Variants in EYS observed in about 807,000 individuals in gnomAD.
The protein encoded by EYS is EGF-like photoreceptor maintenance factor.
EYS carries 250 observed loss-of-function variants against 282.1 expected under a neutral mutation model. The observed-to-expected ratio is 0.89, with a 90% CI of 0.80 to 0.98. EYS has a LOEUF of 0.98. EYS is among the 50% of genes least tolerant of loss of function. The pLI, the probability that EYS is intolerant of heterozygous loss-of-function variation, is 0.00. For synonymous variants in EYS, 1,355 were observed against 1,282.9 expected, an observed-to-expected ratio of 1.06 and a Z score of -1.20; for missense variants, 4,016 against 3,709.0, an observed-to-expected ratio of 1.08 and a Z score of -2.15.
chr6:64,320,216 T>A (rs1028939276), intron 29 of EYS, among the ~76,000 whole-genome samples: 1 of 152,002 alleles, frequency 6.6e-6, no homozygotes, highest in Non-Finnish European at 1.5e-5. Flanking sequence ...TTAGATATAT[T>A]GTTTGATATT....
At chr6:64,661,805 C>G (rs9342363) in intron 22 of EYS, among the ~76,000 whole-genome samples, 73,170 of 122,366 alleles carry the variant, frequency 0.6, 22,427 homozygotes, top group African/African-American at 0.67. Flanking sequence ...CTAGTTCAAC[C>G]ATTGTGGAAT....
intron 19 of EYS, among the ~76,000 whole-genome samples, chr6:64,875,399 T>C (rs1199061136): frequency 6.6e-6 from 1 of 152,110 alleles, no homozygotes; most frequent in African/African-American, 2.4e-5. Flanking sequence ...TTCTCACTTA[T>C]GGTTAGAACT....
At chr6:65,508,784 A>T (rs1310860731) in intron 2 of EYS, among the ~76,000 whole-genome samples, 1 of 152,056 alleles carries the variant, frequency 6.6e-6, no homozygotes, top group East Asian at 1.9e-4. Flanking sequence ...TCCTGGCATG[A>T]CTCTGGCCAA....
At chr6:64,485,614 C>T (rs952351794) in intron 26 of EYS, among the ~76,000 whole-genome samples, 1 of 151,430 alleles carries the variant, frequency 6.6e-6, no homozygotes, top group African/African-American at 2.4e-5. Context: ...ATCCAGAGAA[C>T]ATTTCCTAGT....
At chr6:64,881,202 T>G (rs900064174) in intron 19 of EYS, among the ~76,000 whole-genome samples, 1 of 151,772 alleles carries the variant, frequency 6.6e-6, no homozygotes, top group African/African-American at 2.4e-5. Context: ...TTTTGTACCC[T>G]TATCATCATT....
At chr6:65,289,883 A>G (rs1768475735) in intron 12 of EYS, among the ~76,000 whole-genome samples, 1 of 151,130 alleles carries the variant, frequency 6.6e-6, no homozygotes, top group African/African-American at 2.4e-5. Context: ...ACCAAAAAGC[A>G]ATGATTAGTA....
chr6:64,207,594 A>C (rs1765648544), intron 31 of EYS, among the ~76,000 whole-genome samples: 1 of 152,126 alleles, frequency 6.6e-6, no homozygotes, highest in African/African-American at 2.4e-5. Context: ...TGAGAAGGTA[A>C]GGGAAGAAAA....
intron 33 of EYS, among the ~76,000 whole-genome samples, chr6:64,026,383 G>C (rs1769513375): frequency 6.6e-6 from 1 of 152,090 alleles, no homozygotes; most frequent in Non-Finnish European, 1.5e-5. Context: ...GCATCAACAG[G>C]ATCACCCTTG....
chr6:64,710,368 G>T (rs1562148409), intron 22 of EYS, among the ~76,000 whole-genome samples: 2 of 152,192 alleles, frequency 1.3e-5, no homozygotes, highest in Non-Finnish European at 2.9e-5. Context: ...GAAAAGGAGA[G>T]TGCCAAGCAT....
chr6:64,433,914 G>A (rs1442128278), intron 28 of EYS, among the ~76,000 whole-genome samples: 1 of 151,996 alleles, frequency 6.6e-6, no homozygotes, highest in Non-Finnish European at 1.5e-5. Flanking sequence ...AGAGAAAGTT[G>A]TCCAGCTTCT....
At chr6:64,303,477 A>G (rs1343021467) in intron 30 of EYS, among the ~76,000 whole-genome samples, 1 of 152,176 alleles carries the variant, frequency 6.6e-6, no homozygotes, top group Non-Finnish European at 1.5e-5. Flanking sequence ...GAGATACAAG[A>G]GTTCAGTCAG....
chr6:65,064,675 C>G (rs1773690560), intron 12 of EYS, among the ~76,000 whole-genome samples: 1 of 151,464 alleles, frequency 6.6e-6, no homozygotes, highest in Non-Finnish European at 1.5e-5. Flanking sequence ...ATGGTTCAAA[C>G]TCAGGCAGAG....
chr6:64,965,793 C>T (rs1391024515), intron 14 of EYS, among the ~76,000 whole-genome samples: 1 of 152,048 alleles, frequency 6.6e-6, no homozygotes, highest in African/African-American at 2.4e-5. Context: ...ATACAGCTAC[C>T]TACAAACTAT....
intron 12 of EYS, among the ~76,000 whole-genome samples, chr6:65,068,063 G>A (rs961749203): frequency 5.3e-5 from 8 of 151,992 alleles, no homozygotes; most frequent in East Asian, 1.9e-4. Flanking sequence ...AATTTTTGAC[G>A]TTATCTTCTA....
intron 14 of EYS, among the ~76,000 whole-genome samples, chr6:64,988,196 T>G (rs1032166349): frequency 1.3e-5 from 2 of 151,222 alleles, no homozygotes; most frequent in African/African-American, 4.8e-5. Context: ...ACTGATAAGA[T>G]TCACTTGGAC....
At chr6:65,540,252 C>G (rs778673103) in intron 2 of EYS, among the ~76,000 whole-genome samples, 1 of 152,152 alleles carries the variant, frequency 6.6e-6, no homozygotes, top group Non-Finnish European at 1.5e-5. Context: ...AACAAACTCT[C>G]TAACCTGCCC....
intron 5 of EYS, among the ~76,000 whole-genome samples, chr6:65,416,526 A>G (rs773880663): frequency 6.6e-6 from 1 of 152,048 alleles, no homozygotes; most frequent in Non-Finnish European, 1.5e-5. Context: ...AGTAGAAATC[A>G]TAATGGGGCT....
chr6:65,626,512 T>TA (rs1350695063), intron 2 of EYS, among the ~76,000 whole-genome samples: 2 of 152,132 alleles, frequency 1.3e-5, no homozygotes, highest in African/African-American at 4.8e-5. Flanking sequence ...CAGGGATAGA[T>TA]ACAATGAATA....
At chr6:63,882,706 C>T (rs572815210) in intron 35 of EYS, among the ~76,000 whole-genome samples, 76 of 152,136 alleles carry the variant, frequency 5.0e-4, no homozygotes, top group Admixed American at 1.3e-3. Context: ...GCACAGCAGG[C>T]GGCCTATTTT....
Sources: gnomAD v4.1 joint callset for allele counts (sites outside exome capture counted in the v4.1 genomes callset) on GRCh38, gnomAD v4.1.1 for gene constraint, MANE v1.5 for transcripts, NCBI Gene and HGNC (gene_info 2026-07-23, HGNC 2026-07-21) for gene names.